The following RBM28 variants were observed in gnomAD, a reference collection of about 807,000 sequenced individuals.
RBM28 encodes RNA-binding protein 28.
RBM28 carries 78 observed loss-of-function variants against 98.3 expected under a neutral mutation model. The observed-to-expected ratio is 0.79, with a 90% CI of 0.66 to 0.96. RBM28 has a LOEUF of 0.96. RBM28 is among the 40% of genes least tolerant of loss of function. RBM28 has a pLI of 0.00. For synonymous variants in RBM28, 306 were observed against 330.9 expected (o/e 0.92, Z 0.82); for missense variants, 838 against 913.0 (o/e 0.92, Z 1.06).
chr7:128,313,306 T>C (rs778081306), intron 17 of RBM28, 32 bp from the exon 18 acceptor site: 2 of 1,591,130 alleles, frequency 1.3e-6, no homozygotes, highest in Non-Finnish European at 1.7e-6. Context: ...TCACCTTGAG[T>C]CCTTCTTCTA....
chr7:128,300,646 C>G lies in RBM28; in HGVS notation c.*10151G>C, dbSNP rs986867577. ...TGCCTGGAAACAACTGTTATCAATA[C>G]TGTGCTATGTTTTAGTAAAGAGGGC... On this transcript the variant is annotated 3_prime_UTR_variant, in exon 19 of 19. Coordinates refer to ENST00000223073, the MANE Select transcript of RBM28 (RefSeq NM_018077.3). The G allele has an allele frequency of 2.0e-5, 3 of 152,294 alleles. No individual in the cohort carries two copies. The highest frequency in any genetic ancestry group is 4.4e-5 in the Non-Finnish European group (3 of 68,070). The allele number at this position is 152,294 out of a possible 1,614,324, so 9.4% of individuals were successfully genotyped here.
Position 128,335,890 on chromosome 7 carries a change from TCTCTTC to T in RBM28, c.760_765del (p.Glu254_Glu255del). Reference sequence around the variant, plus strand: ...GGCTTGGTCACCTTTGATTCTATATTCTCTTCCTCTTCATCTTCATCATCAAAAACC... The same window carrying T: ...GGCTTGGTCACCTTTGATTCTATATTCTCTTCATCTTCATCATCAAAAACC... On this transcript the variant is annotated inframe_deletion, in exon 7 of 19. Transcript: ENST00000223073. 2 of 1,613,872 alleles carry T rather than the reference TCTCTTC, an allele frequency of 1.2e-6. No homozygotes were observed. The highest frequency in any genetic ancestry group is 8.5e-7 in the Non-Finnish European group (1 of 1,179,816).
Position 128,301,079 on chromosome 7 carries a change from C to T in RBM28, c.*9718G>A, listed in dbSNP as rs1184881639. 1 of 152,222 alleles carries T rather than the reference C, an allele frequency of 6.6e-6. No individual in the cohort carries two copies. 9.4% of individuals were successfully genotyped at this position (152,222 alleles called of 1,614,324 possible). The stretch of plus-strand genomic sequence containing the variant: ...ACATGTAGCCTTCCCAGGATTCTGG[C>T]GTGTGTTCCCATCCCTAGCAGGAAA... On this transcript the variant is annotated 3_prime_UTR_variant, in exon 19 of 19. Coordinates refer to ENST00000223073, the MANE Select transcript of RBM28 (RefSeq NM_018077.3).
intron 12 of RBM28, 97 bp from the exon 13 acceptor site, chr7:128,323,688 G>T: frequency 7.1e-7 from 1 of 1,398,968 alleles, no homozygotes; most frequent in Non-Finnish European, 1.0e-6. Context: ...CTTTGTACAG[G>T]GCCCAGAGGA....
At chr7:128,324,101 A>T (rs184872314) in intron 12 of RBM28, among the ~76,000 whole-genome samples, 1 of 152,340 alleles carries the variant, frequency 6.6e-6, no homozygotes, top group Non-Finnish European at 1.5e-5. Flanking sequence ...GGAGGAGGTG[A>T]GCTGATAAAT....
intron 5 of RBM28, 74 bp downstream of exon 5, chr7:128,338,175 GA>G: frequency 1.9e-6 from 2 of 1,078,876 alleles, no homozygotes; most frequent in Non-Finnish European, 2.9e-6. Context: ...TGAAAATGCA[GA>G]AAGTGGGTTA....
chr7:128,341,972 C>T (rs941925899), intron 1 of RBM28, among the ~76,000 whole-genome samples: 3 of 152,216 alleles, frequency 2.0e-5, no homozygotes, highest in Middle Eastern at 3.4e-3. Context: ...GCCTGGACAA[C>T]GTAGTGAGAC....
Position 128,302,042 on chromosome 7 carries a change from T to C in RBM28, c.*8755A>G, listed in dbSNP as rs1795788395. 1 of 152,230 alleles carries C rather than the reference T, an allele frequency of 6.6e-6. No homozygotes were observed. Among genetic ancestry groups the C allele is most frequent in the African/African-American group, 2.4e-5 (1 of 41,462 alleles). The allele number at this position is 152,230 out of a possible 1,614,324, so 9.4% of individuals were successfully genotyped here. A position where few individuals can be genotyped will look rare whatever the true frequency, so the allele number is the denominator to read the frequency against. On this transcript the variant is annotated 3_prime_UTR_variant, in exon 19 of 19. Coordinates refer to ENST00000223073, the MANE Select transcript of RBM28 (RefSeq NM_018077.3). ...CTACAGATTTCCCTTCTTTCTCTTC[T>C]TCTGGGCCTCTGGGCCAGAGACAGG...
chr7:128,319,537 T>C (rs987347996), intron 14 of RBM28, among the ~76,000 whole-genome samples: 3 of 152,204 alleles, frequency 2.0e-5, no homozygotes, highest in Non-Finnish European at 4.4e-5. Context: ...TACCAATCCA[T>C]ACATTTTGAA....
chr7:128,311,963 A>C (rs905179629), intron 18 of RBM28, among the ~76,000 whole-genome samples: 1 of 152,222 alleles, frequency 6.6e-6, no homozygotes, highest in Admixed American at 6.5e-5. Context: ...AGGCCATTAC[A>C]TGAAAGGCTA....
rs1287225766 is a variant in RBM28, at chr7:128,307,562, G to A, written c.*3235C>T. ...GGCACAGATCTCATTTTTGTGACAG[G>A]TGAAACATAATCCTTGCCACAGGTT... On this transcript the variant is annotated 3_prime_UTR_variant, in exon 19 of 19. Coordinates refer to ENST00000223073, the MANE Select transcript of RBM28 (RefSeq NM_018077.3). The A allele has an allele frequency of 6.6e-6, 1 of 152,138 alleles. No homozygotes were observed. The highest frequency in any genetic ancestry group is 1.5e-5 in the Non-Finnish European group (1 of 68,032). The allele number at this position is 152,138 out of a possible 1,614,324, so 9.4% of individuals were successfully genotyped here.
intron 5 of RBM28, 110 bp downstream of exon 5, chr7:128,338,140 G>C: frequency 2.5e-6 from 2 of 801,566 alleles, no homozygotes; most frequent in Non-Finnish European, 4.3e-6. Context: ...TTAGCAATGA[G>C]ACTCTTAATA....
At chr7:128,332,637 C>A (rs991349830) in intron 9 of RBM28, among the ~76,000 whole-genome samples, 15 of 152,120 alleles carry the variant, frequency 9.9e-5, no homozygotes, top group Non-Finnish European at 1.9e-4. Flanking sequence ...CAGGCCTGAG[C>A]CACCGCACCC....
chr7:128,321,292 C>T lies in RBM28; in HGVS notation c.1537G>A (p.Gly513Arg). The T allele has an allele frequency of 6.2e-7, 1 of 1,614,214 alleles. No homozygotes were observed. The highest frequency in any genetic ancestry group is 8.5e-7 in the Non-Finnish European group (1 of 1,180,028). Residue 513 changes from glycine to arginine, a missense_variant, in exon 14 of 19, where the codon GGA (glycine) becomes AGA (arginine). By Grantham distance (125) the Gly-to-Arg change is moderately radical (BLOSUM62 -2). Transcript: ENST00000223073. ...LRKLLLSATSGEKGVRIKECR... is the reference protein window; with the variant it reads ...LRKLLLSATSREKGVRIKECR... ...TCCTTGATGCGCACCCCTTTCTCTCCACTAGTAGCACTCAGCAGCAGCTTT... is the reference window on the plus strand; with the variant it reads ...TCCTTGATGCGCACCCCTTTCTCTCTACTAGTAGCACTCAGCAGCAGCTTT...
chr7:128,341,237 A>T (rs1419591312), intron 1 of RBM28: 1 of 1,228,906 alleles, frequency 8.1e-7, no homozygotes, highest in Admixed American at 2.5e-5. Context: ...AAGCAACATA[A>T]CATCAATTTT....
chr7:128,307,046 A>T lies in RBM28; in HGVS notation c.*3751T>A, dbSNP rs893971563. 2.6e-5 allele frequency: 4 copies of T among 152,224 alleles called. No individual in the cohort carries two copies. The highest frequency in any genetic ancestry group is 5.9e-5 in the Non-Finnish European group (4 of 68,050). 9.4% of individuals were successfully genotyped at this position (152,224 alleles called of 1,614,324 possible). A position where few individuals can be genotyped will look rare whatever the true frequency, so the allele number is the denominator to read the frequency against. On this transcript the variant is annotated 3_prime_UTR_variant, in exon 19 of 19. Coordinates refer to ENST00000223073, the MANE Select transcript of RBM28 (RefSeq NM_018077.3). ...GAAATCTCGACTTGGCCTGAGAGAA[A>T]CCTCATCCTGGCCCTTAAAGTGCCA...
In RBM28 at chr7:128,335,930, TTCATCATCATCATCG is replaced by T. The variant is rs745777954; in HGVS notation, c.711_725del (p.Asp237_Asp241del). ...CTTCATCATCAAAAACCCCATCTTC[TTCATCATCATCATCG>T]TCATCATCATCGTTTTCTTCCTCTT... On this transcript the variant is annotated inframe_deletion, in exon 7 of 19. Coordinates refer to ENST00000223073, the MANE Select transcript of RBM28 (RefSeq NM_018077.3). 3.1e-4 allele frequency: 504 copies of T among 1,606,776 alleles called. No homozygotes were observed. Among genetic ancestry groups the T allele is most frequent in the Middle Eastern group, 4.9e-4 (3 of 6,066 alleles).
At position 128,300,424 on chromosome 7, in the gene RBM28, C is replaced by G. The variant is rs943670806; in HGVS notation, c.*10373G>C. ...TGGCTTGAGCTCACTCTGCTCAGGA[C>G]CCTCTGCAGCTCCTGGGGGAACACT... On this transcript the variant is annotated 3_prime_UTR_variant, in exon 19 of 19. Coordinates refer to ENST00000223073, the MANE Select transcript of RBM28 (RefSeq NM_018077.3). 6.6e-6 allele frequency: 1 copy of G among 152,248 alleles called. No homozygotes were observed. The highest frequency in any genetic ancestry group is 6.5e-5 in the Admixed American group (1 of 15,274). The allele number at this position is 152,248 out of a possible 1,614,324, so 9.4% of individuals were successfully genotyped here. A position where few individuals can be genotyped will look rare whatever the true frequency, so the allele number is the denominator to read the frequency against.
intron 10 of RBM28, among the ~76,000 whole-genome samples, chr7:128,330,164 A>G (rs1221138886): frequency 1.3e-5 from 2 of 151,166 alleles, no homozygotes; most frequent in African/African-American, 2.4e-5. Context: ...AAGCAACAGG[A>G]AAAAAAAAGA....
Sources: allele counts gnomAD v4.1 joint callset (sites outside exome capture counted in the v4.1 genomes callset), GRCh38; gene constraint gnomAD v4.1.1; transcripts MANE v1.5; gene names NCBI Gene and HGNC (gene_info 2026-07-23, HGNC 2026-07-21).